DHX15: variants seen among roughly 807,000 people sequenced by gnomAD.
DHX15 encodes DEAH-box helicase 15, also known as ATP-dependent RNA helicase DHX15.
Under a neutral mutation model 94.4 loss-of-function variants are expected in DHX15, and 11 were observed. The observed-to-expected ratio is 0.12, with a 90% CI of 0.07 to 0.19. DHX15 has a LOEUF of 0.19. Ranked by LOEUF, DHX15 falls within the 10% of genes least tolerant of loss-of-function variation. The pLI is 1.00. For missense variants in DHX15, 304 were observed against 988.5 expected, an observed-to-expected ratio of 0.31 and a Z score of 9.29; for synonymous variants, 338 against 329.9, an observed-to-expected ratio of 1.02 and a Z score of -0.27.
rs1722564999 is a variant in DHX15 at position 24,584,514 on chromosome 4, GT to G, written c.-122del. 1 of 995,346 alleles carries G rather than the reference GT, an allele frequency of 1.0e-6. No homozygotes were observed. The highest frequency in any genetic ancestry group is 3.1e-5 in the Admixed American group (1 of 32,372). 61.7% of individuals were successfully genotyped at this position (995,346 alleles called of 1,614,324 possible). Reference sequence around the variant, plus strand: ...CCCTCCCGCTACTACAGCCCACACGGTGCGGCCGGAACCAACAGCTAAAATG... The same window carrying G: ...CCCTCCCGCTACTACAGCCCACACGGGCGGCCGGAACCAACAGCTAAAATG... On this transcript the variant is annotated 5_prime_UTR_variant, in exon 1 of 14. Transcript: ENST00000336812.
At chr4:24,568,666 A>T (rs1722048444) in intron 3 of DHX15, among the ~76,000 whole-genome samples, 1 of 152,164 alleles carries the variant, frequency 6.6e-6, no homozygotes, top group South Asian at 2.1e-4. Context: ...CAATTTCCAA[A>T]TTCTGTTCTC....
At position 24,554,901 on chromosome 4, in the gene DHX15, T is replaced by C. The variant is rs1721694780; in HGVS notation, c.904A>G (p.Ile302Val). The C allele has an allele frequency of 6.2e-7, 1 of 1,613,718 alleles. No homozygotes were observed. The highest frequency in any genetic ancestry group is 8.5e-7 in the Non-Finnish European group (1 of 1,179,870). Residue 302 changes from isoleucine (I) to valine (V), a missense_variant, in exon 5 of 14, where the codon ATT (isoleucine) becomes GTT (valine). Ile to Val is a conservative substitution (Grantham distance 29). Around this residue, in one of 9 missense-constraint regions of DHX15, gnomAD observed 29 missense variants for 181.6 expected, o/e 0.16. Coordinates refer to ENST00000336812, the MANE Select transcript of DHX15 (RefSeq NM_001358.3). ...AGGAGAGGACAGTTATCAAAGTAAA[T>C]CTGGAATTTTCCTGCATCTAGAGTA... ...SATLDAGKFQIYFDNCPLLTI... is the reference protein window; with the variant it reads ...SATLDAGKFQVYFDNCPLLTI...
chr4:24,553,947 G>C (rs565254853), intron 5 of DHX15, among the ~76,000 whole-genome samples: 1 of 151,708 alleles, frequency 6.6e-6, no homozygotes, highest in Non-Finnish European at 1.5e-5. Flanking sequence ...GGCCGGGTGC[G>C]ATGGCTCACG....
intron 4 of DHX15, among the ~76,000 whole-genome samples, chr4:24,555,396 C>A (rs1721707748): frequency 6.6e-6 from 1 of 151,768 alleles, no homozygotes. Context: ...CAGGTTCTCA[C>A]TAAAACCTTG....
At chr4:24,562,258 A>G (rs1721891688) in intron 3 of DHX15, among the ~76,000 whole-genome samples, 1 of 152,192 alleles carries the variant, frequency 6.6e-6, no homozygotes. Flanking sequence ...AGCAACCTGA[A>G]AAAGGCATCT....
intron 3 of DHX15, among the ~76,000 whole-genome samples, chr4:24,557,998 T>C (rs904063450): frequency 3.3e-5 from 5 of 150,828 alleles, no homozygotes; most frequent in Non-Finnish European, 7.4e-5. Flanking sequence ...AAAAAAAGGA[T>C]TGGTTACTCT....
intron 13 of DHX15, among the ~76,000 whole-genome samples, chr4:24,528,544 T>C (rs1331687870): frequency 6.6e-6 from 1 of 152,208 alleles, no homozygotes; most frequent in East Asian, 1.9e-4. Flanking sequence ...TAAGATAAAA[T>C]GGTAATGTCC....
At chr4:24,546,241 CT>C (rs1721421998) in intron 6 of DHX15, among the ~76,000 whole-genome samples, 2 of 152,188 alleles carry the variant, frequency 1.3e-5, no homozygotes, top group South Asian at 4.1e-4. Flanking sequence ...ATCATTAAGT[CT>C]TTCTTTAAAA....
chr4:24,573,045 G>A (rs1284365884), intron 2 of DHX15, among the ~76,000 whole-genome samples: 1 of 152,122 alleles, frequency 6.6e-6, no homozygotes, highest in East Asian at 1.9e-4. Context: ...CAAGTAGCTG[G>A]GATTACAGGT....
intron 1 of DHX15, among the ~76,000 whole-genome samples, chr4:24,581,911 C>G (rs928313988): frequency 1.3e-5 from 2 of 152,164 alleles, no homozygotes; most frequent in Admixed American, 1.3e-4. Flanking sequence ...TAAAATATGC[C>G]AGGAGTAAAT....
intron 13 of DHX15, among the ~76,000 whole-genome samples, chr4:24,529,358 C>T (rs1175186816): frequency 1.3e-5 from 2 of 152,144 alleles, no homozygotes; most frequent in African/African-American, 4.8e-5. Flanking sequence ...ACTTTTCATG[C>T]TATTCAAATG....
chr4:24,534,707 T>C (rs1319923421), intron 11 of DHX15, among the ~76,000 whole-genome samples: 2 of 152,190 alleles, frequency 1.3e-5, no homozygotes, highest in African/African-American at 4.8e-5. Context: ...GTTATTTACA[T>C]AAATAGTATT....
In DHX15 at chr4:24,537,024, A is replaced by G. The variant is rs375761211; in HGVS notation, c.1909+27T>C. ...ACACTGCAAGTGACATTTAGACAAGAGTGTCTCCAATCAAATTTACACTTA... is the reference window on the plus strand; with the variant it reads ...ACACTGCAAGTGACATTTAGACAAGGGTGTCTCCAATCAAATTTACACTTA... On this transcript the variant is annotated intron_variant, in intron 11 of 13. Coordinates refer to ENST00000336812, the MANE Select transcript of DHX15 (RefSeq NM_001358.3). This position sits in a 1 kb window ranked among gnomAD's most constrained non-coding sequence, Gnocchi z 4.7. 2.8e-5 allele frequency: 45 copies of G among 1,607,360 alleles called. No individual in the cohort carries two copies. In the Middle Eastern group the frequency reaches 5.1e-4, roughly 18 times the overall value.
At chr4:24,555,792 G>A (rs981818953) in intron 4 of DHX15, among the ~76,000 whole-genome samples, 49 of 152,310 alleles carry the variant, frequency 3.2e-4, no homozygotes, top group African/African-American at 1.1e-3. Context: ...ATGGAGGAAA[G>A]AAGTAATACA....
intron 3 of DHX15, 108 bp downstream of exon 3, chr4:24,570,546 A>G: frequency 1.1e-6 from 1 of 931,148 alleles, no homozygotes; most frequent in Admixed American, 2.4e-5. Flanking sequence ...CCTACTTTGG[A>G]TAATTCTAAA....
At chr4:24,559,770 G>C (rs1164393248) in intron 3 of DHX15, among the ~76,000 whole-genome samples, 1 of 152,136 alleles carries the variant, frequency 6.6e-6, no homozygotes, top group Non-Finnish European at 1.5e-5. Flanking sequence ...GAACTAGTAA[G>C]AACTACAAAA....
At chr4:24,550,783 G>C (rs1721585008) in intron 5 of DHX15, among the ~76,000 whole-genome samples, 1 of 152,174 alleles carries the variant, frequency 6.6e-6, no homozygotes, top group African/African-American at 2.4e-5. Flanking sequence ...AAAACATGTA[G>C]TATAGTAAAT....
At chr4:24,554,970 AG>A (rs755731609) in intron 4 of DHX15, 27 bp from the exon 5 acceptor site, 9 of 1,573,102 alleles carry the variant, frequency 5.7e-6, no homozygotes, top group Middle Eastern at 1.7e-4. Context: ...AATTATTTGA[AG>A]CTGTCTTCAA....
chr4:24,531,577 G>C (rs1194138961), intron 12 of DHX15, among the ~76,000 whole-genome samples: 1 of 151,986 alleles, frequency 6.6e-6, no homozygotes, highest in Non-Finnish European at 1.5e-5. Flanking sequence ...AATTAGCTAG[G>C]CATAGTGGTG....
Sources: gnomAD v4.1 joint callset for allele counts (sites outside exome capture counted in the v4.1 genomes callset) on GRCh38, gnomAD v4.1.1 for gene constraint, gnomAD v4.1.1 regional missense constraint, Gnocchi (gnomAD v3.1) non-coding constraint, MANE v1.5 for transcripts, NCBI Gene and HGNC (gene_info 2026-07-23, HGNC 2026-07-21) for gene names.